OPHN1: variants seen among roughly 807,000 people sequenced by gnomAD.
The protein encoded by OPHN1 is oligophrenin 1.
OPHN1 carries 11 observed loss-of-function variants against 60.7 expected under a neutral mutation model. That is an observed-to-expected ratio of 0.18 (90% CI 0.11 to 0.30). OPHN1 has a LOEUF of 0.30. OPHN1 is among the 10% of genes least tolerant of loss of function. The pLI, the probability that OPHN1 is intolerant of heterozygous loss-of-function variation, is 1.00. For synonymous variants in OPHN1, 226 were observed against 222.6 expected (o/e 1.02, Z -0.14); for missense variants, 449 against 611.0 (o/e 0.73, Z 2.80).
At chrX:68,211,170 A>G (rs745960231) in intron 8 of OPHN1, among the ~76,000 whole-genome samples, 1 of 102,825 alleles carries the variant, frequency 9.7e-6, no homozygotes, top group Non-Finnish European at 2.0e-5. Flanking sequence ...AAAAATAATA[A>G]CAACAACTGT....
At chrX:68,321,769 A>C (rs996189086) in intron 2 of OPHN1, among the ~76,000 whole-genome samples, 2 of 110,231 alleles carry the variant, frequency 1.8e-5, no homozygotes, top group African/African-American at 6.6e-5. Flanking sequence ...CTCCACTACA[A>C]ATATAAAAAT....
At chrX:68,430,328 T>C (rs986891506) in intron 2 of OPHN1, among the ~76,000 whole-genome samples, 2 of 111,683 alleles carry the variant, frequency 1.8e-5, no homozygotes, top group Non-Finnish European at 3.8e-5. Flanking sequence ...TGCAATTGAA[T>C]GGAAAGAAAT....
chrX:68,298,206 C>T lies in OPHN1; in HGVS notation c.250+795G>A, dbSNP rs780976315. ...TTTTTCTTAAATGGCCAGAAGATAACGATTTTAGGCTTTGAGGACCATCCA... is the reference window on the plus strand; with the variant it reads ...TTTTTCTTAAATGGCCAGAAGATAATGATTTTAGGCTTTGAGGACCATCCA... On this transcript the variant is annotated intron_variant, in intron 3 of 24. Transcript: ENST00000355520. 3.6e-5 allele frequency among the ~76,000 whole-genome samples: 4 copies of T among 111,464 alleles called. No individual in the cohort carries two copies. The South Asian group carries it at 1.1e-3, about 32-fold the overall frequency.
Position 68,201,725 on chromosome X carries a change from G to C in OPHN1, c.934-15C>G. On this transcript the variant is annotated splice_polypyrimidine_tract_variant and intron_variant, in intron 10 of 24. Transcript: ENST00000355520. ...TCCAAGGGCCCCTGATATGAAACAA[G>C]AATTAACAGGCAATTTTTAAAAAAA... 4.3e-6 allele frequency: 5 copies of C among 1,153,214 alleles called. No individual in the cohort carries two copies. In the East Asian group the frequency reaches 1.5e-4, roughly 34 times the overall value.
At chrX:68,268,443 A>T (rs1355166593) in intron 5 of OPHN1, among the ~76,000 whole-genome samples, 2 of 112,129 alleles carry the variant, frequency 1.8e-5, no homozygotes, top group African/African-American at 3.2e-5. Context: ...AACATATGCA[A>T]ATCAATAAAC....
chrX:68,177,275 A>C (rs2077418423), intron 15 of OPHN1, among the ~76,000 whole-genome samples: 2 of 111,019 alleles, frequency 1.8e-5, no homozygotes, highest in African/African-American at 6.5e-5. Context: ...AAATTAAAAG[A>C]GCTCTGCATA....
At chrX:68,090,652 G>A (rs929534967) in intron 19 of OPHN1, among the ~76,000 whole-genome samples, 22 of 110,485 alleles carry the variant, frequency 2.0e-4, no homozygotes, top group Non-Finnish European at 3.8e-4. Flanking sequence ...TTTCCTGGAT[G>A]AGGTCCCATT....
At chrX:68,131,016 A>T (rs1401535360) in intron 15 of OPHN1, among the ~76,000 whole-genome samples, 1 of 110,926 alleles carries the variant, frequency 9.0e-6, no homozygotes, top group Non-Finnish European at 1.9e-5. Context: ...ATCATTTGTA[A>T]GAGAGAAGAT....
chrX:68,317,975 A>G (rs1243626549), intron 2 of OPHN1, among the ~76,000 whole-genome samples: 2 of 111,823 alleles, frequency 1.8e-5, no homozygotes, highest in African/African-American at 6.5e-5. Context: ...AAGTGTCTCT[A>G]TTTCAAAGCG....
intron 2 of OPHN1, among the ~76,000 whole-genome samples, chrX:68,313,614 C>T (rs2078184428): frequency 9.0e-6 from 1 of 111,458 alleles, no homozygotes; most frequent in Admixed American, 9.6e-5. Context: ...TTCACATGTT[C>T]TCACTTATTG....
intron 6 of OPHN1, among the ~76,000 whole-genome samples, chrX:68,218,655 C>A (rs2077631879): frequency 9.4e-6 from 1 of 106,941 alleles, no homozygotes; most frequent in South Asian, 4.4e-4. Context: ...ATTCTCAACC[C>A]AGAATTTCAT....
At position 68,052,582 on chromosome X, in the gene OPHN1, G is replaced by A. The variant is rs767063308; in HGVS notation, c.2333C>T (p.Ser778Phe). The A allele has an allele frequency of 2.6e-5, 31 of 1,205,884 alleles. No homozygotes were observed. The highest frequency in any genetic ancestry group is 2.9e-5 in the Non-Finnish European group (26 of 893,078). Residue 778 changes from serine to phenylalanine, a missense_variant, in exon 23 of 25, where the codon TCC becomes TTC. By Grantham distance (155) the Ser-to-Phe change is radical (BLOSUM62 -2). This residue lies in a region of OPHN1 where 184 missense variants were observed against 160.5 expected (regional missense o/e 1.15). Transcript: ENST00000355520. ...AGCTGTTTCAAAAAACCTGGTCCTG[G>A]AAGCCACCCTGCAAACAGAAGCCAA... is the stretch of plus-strand genomic sequence containing the variant. ...AGEITSSVVA[S>F]RTRFFETASR...
intron 2 of OPHN1, among the ~76,000 whole-genome samples, chrX:68,385,854 C>A (rs1474886801): frequency 8.9e-6 from 1 of 111,837 alleles, no homozygotes; most frequent in East Asian, 2.8e-4. Context: ...GAGTTAGGGG[C>A]AAGTAAAAAC....
chrX:68,052,069 C>A (rs2076853964), intron 23 of OPHN1, among the ~76,000 whole-genome samples: 1 of 111,893 alleles, frequency 8.9e-6, no homozygotes, highest in Non-Finnish European at 1.9e-5. Flanking sequence ...GTGGATGGAT[C>A]ACCTGAGGTC....
chrX:68,079,841 A>G (rs2058377015), intron 19 of OPHN1, among the ~76,000 whole-genome samples: 1 of 111,846 alleles, frequency 8.9e-6, no homozygotes, highest in African/African-American at 3.3e-5. Context: ...GGACATTATT[A>G]TCTTAAAATC....
chrX:68,302,345 T>A (rs1215288390), intron 2 of OPHN1, among the ~76,000 whole-genome samples: 2 of 111,499 alleles, frequency 1.8e-5, no homozygotes, highest in African/African-American at 6.5e-5. Flanking sequence ...ATTAAGCACT[T>A]TGGGAGGCCA....
At chrX:68,307,028 A>C (rs2078148523) in intron 2 of OPHN1, among the ~76,000 whole-genome samples, 1 of 111,487 alleles carries the variant, frequency 9.0e-6, no homozygotes, top group South Asian at 3.8e-4. Context: ...CCAGCCCCAA[A>C]ATCCACTTTA....
At chrX:68,093,582 T>C (rs1458736925) in intron 19 of OPHN1, among the ~76,000 whole-genome samples, 2 of 111,458 alleles carry the variant, frequency 1.8e-5, no homozygotes, top group African/African-American at 6.5e-5. Flanking sequence ...TTGTCAGCAG[T>C]TGGTATTGCC....
At chrX:68,381,798 C>G (rs746761016) in intron 2 of OPHN1, among the ~76,000 whole-genome samples, 1 of 111,208 alleles carries the variant, frequency 9.0e-6, no homozygotes, top group Non-Finnish European at 1.9e-5. Flanking sequence ...GCCAATCTCT[C>G]TCTCTCTTCT....
Sources: allele counts gnomAD v4.1 joint callset (sites outside exome capture counted in the v4.1 genomes callset), GRCh38; gene constraint gnomAD v4.1.1; regional missense constraint gnomAD v4.1.1; transcripts MANE v1.5; gene names NCBI Gene and HGNC (gene_info 2026-07-23, HGNC 2026-07-21).